The following HEMK2 variants were observed in gnomAD, a reference collection of about 807,000 sequenced individuals.
The protein encoded by HEMK2 is methyltransferase HEMK2.
the HEMK2 span, among the ~76,000 whole-genome samples, chr21:28,802,682 G>A: frequency 1.3e-5 from 2 of 152,106 alleles, no homozygotes; most frequent in Admixed American, 6.6e-5. Context: ...AGTGAGCTGA[G>A]ATAACATCAC....
At chr21:28,600,046 T>G in the HEMK2 span, among the ~76,000 whole-genome samples, 1 of 152,212 alleles carries the variant, frequency 6.6e-6, no homozygotes, top group African/African-American at 2.4e-5. Context: ...TGACATTGAG[T>G]GTCTGTGACT....
the HEMK2 span, among the ~76,000 whole-genome samples, chr21:28,647,728 G>A: frequency 6.6e-6 from 1 of 151,994 alleles, no homozygotes. Context: ...GAAGTGAATG[G>A]ACACCACAAC....
the HEMK2 span, among the ~76,000 whole-genome samples, chr21:28,775,833 C>G: frequency 2.0e-5 from 3 of 151,930 alleles, no homozygotes; most frequent in Non-Finnish European, 2.9e-5. Context: ...TGTACACAAC[C>G]CTTTCAAGTT....
At chr21:28,592,825 T>C in the HEMK2 span, among the ~76,000 whole-genome samples, 1 of 152,224 alleles carries the variant, frequency 6.6e-6, no homozygotes. Context: ...TTGATTTTAC[T>C]GCACAAAGGA....
the HEMK2 span, among the ~76,000 whole-genome samples, chr21:28,789,331 A>C: frequency 6.6e-6 from 1 of 152,144 alleles, no homozygotes; most frequent in Non-Finnish European, 1.5e-5. Context: ...TAGCTCAATA[A>C]ACGGCGTATA....
the HEMK2 span, among the ~76,000 whole-genome samples, chr21:28,775,162 G>A: frequency 6.6e-6 from 1 of 152,164 alleles, no homozygotes; most frequent in East Asian, 1.9e-4. Flanking sequence ...TATTTTGGAG[G>A]TTAGGAAAAT....
chr21:28,811,314 G>T, the HEMK2 span, among the ~76,000 whole-genome samples: 1 of 146,628 alleles, frequency 6.8e-6, no homozygotes, highest in Non-Finnish European at 1.5e-5. Context: ...GAAGGGGAGG[G>T]GAGGGGAGGA....
the HEMK2 span, among the ~76,000 whole-genome samples, chr21:28,597,184 C>T: frequency 1.3e-5 from 2 of 152,150 alleles, no homozygotes; most frequent in East Asian, 1.9e-4. Context: ...AAAAGCACCA[C>T]AGAAAATTTA....
the HEMK2 span, among the ~76,000 whole-genome samples, chr21:28,817,757 C>A: frequency 1.3e-5 from 2 of 152,144 alleles, no homozygotes; most frequent in Admixed American, 6.5e-5. Flanking sequence ...TGCCTTCTAT[C>A]CCTTGGCCAT....
At chr21:28,862,836 G>C in the HEMK2 span, among the ~76,000 whole-genome samples, 1 of 152,104 alleles carries the variant, frequency 6.6e-6, no homozygotes, top group African/African-American at 2.4e-5. Flanking sequence ...AAGATTTATT[G>C]ACTTCACATC....
At chr21:28,666,139 G>C in the HEMK2 span, among the ~76,000 whole-genome samples, 1 of 152,252 alleles carries the variant, frequency 6.6e-6, no homozygotes, top group East Asian at 1.9e-4. Flanking sequence ...TAGGACCTAC[G>C]TTGTTCCCTC....
chr21:28,790,958 T>C, the HEMK2 span, among the ~76,000 whole-genome samples: 3 of 151,810 alleles, frequency 2.0e-5, no homozygotes, highest in Non-Finnish European at 4.4e-5. Context: ...ATTGTGCACA[T>C]GTACCCTAAA....
the HEMK2 span, among the ~76,000 whole-genome samples, chr21:28,831,518 A>AGAAAGAAAGAAG: frequency 3.9e-4 from 30 of 76,652 alleles, no homozygotes; most frequent in South Asian, 1.5e-3. Context: ...AAAGAAAGAA[A>AGAAAGAAAGAAG]GAAAGAAGGA....
the HEMK2 span, among the ~76,000 whole-genome samples, chr21:28,647,002 G>C: frequency 6.6e-6 from 1 of 152,134 alleles, no homozygotes; most frequent in African/African-American, 2.4e-5. Flanking sequence ...AGTCATATTG[G>C]AAAAGAACAT....
chr21:28,675,477 G>A, the HEMK2 span, among the ~76,000 whole-genome samples: 2 of 152,176 alleles, frequency 1.3e-5, no homozygotes, highest in African/African-American at 4.8e-5. Context: ...GTCAGCAGTA[G>A]GGCAGGATAT....
chr21:28,681,632 G>A, the HEMK2 span, among the ~76,000 whole-genome samples: 4 of 152,250 alleles, frequency 2.6e-5, no homozygotes, highest in East Asian at 1.9e-4. Flanking sequence ...GAGGCATCAC[G>A]CTACCTGACT....
chr21:28,713,488 T>C, the HEMK2 span, among the ~76,000 whole-genome samples: 63 of 152,288 alleles, frequency 4.1e-4, no homozygotes, highest in Non-Finnish European at 7.6e-4. Flanking sequence ...GGCCAACCTT[T>C]AGTTCCCCAG....
chr21:28,701,380 T>C, the HEMK2 span, among the ~76,000 whole-genome samples: 2 of 152,128 alleles, frequency 1.3e-5, no homozygotes, highest in African/African-American at 4.8e-5. Context: ...TATGATTCTA[T>C]ATACCTAGAA....
the HEMK2 span, among the ~76,000 whole-genome samples, chr21:28,669,365 G>T: frequency 6.6e-6 from 1 of 152,176 alleles, no homozygotes; most frequent in Admixed American, 6.6e-5. Context: ...AAAAGGAAGA[G>T]AATAAACTGA....
Sources: gnomAD v4.1 joint callset for allele counts (sites outside exome capture counted in the v4.1 genomes callset) on GRCh38, gnomAD v4.1.1 for gene constraint, MANE v1.5 for transcripts, NCBI Gene and HGNC (gene_info 2026-07-23, HGNC 2026-07-21) for gene names.